Variants in SNX29 observed in about 807,000 individuals in gnomAD.
The protein encoded by SNX29 is sorting nexin-29.
Under a neutral mutation model 102.1 loss-of-function variants are expected in SNX29, and 78 were observed. The ratio of observed to expected loss-of-function variants is 0.76; its 90% CI spans 0.64 to 0.92. The LOEUF (loss-of-function observed/expected upper bound fraction) is 0.92. SNX29 is among the 40% of genes least tolerant of loss of function. The pLI, the probability that SNX29 is intolerant of heterozygous loss-of-function variation, is 0.00. For synonymous variants in SNX29, 580 were observed against 414.5 expected, an observed-to-expected ratio of 1.40 and a Z score of -4.85; for missense variants, 1,280 against 1,061.7, an observed-to-expected ratio of 1.21 and a Z score of -2.86.
chr16:12,477,919 TC>T, intron 19 of SNX29, 60 bp downstream of exon 19: 1 of 1,513,764 alleles, frequency 6.6e-7, no homozygotes, highest in East Asian at 2.3e-5. Flanking sequence ...GATTATTTAT[TC>T]TTCTTCTTTA....
At chr16:11,995,097 A>T (rs1019509357) in intron 1 of SNX29, among the ~76,000 whole-genome samples, 2 of 151,880 alleles carry the variant, frequency 1.3e-5, no homozygotes, top group African/African-American at 2.4e-5. Context: ...AGACACTCTC[A>T]CTCTGTTGCC....
intron 13 of SNX29, among the ~76,000 whole-genome samples, chr16:12,182,434 C>A (rs1030166891): frequency 9.9e-5 from 15 of 152,102 alleles, no homozygotes; most frequent in African/African-American, 1.4e-4. Context: ...TTTTGCTTCA[C>A]AAAAGTAATT....
chr16:12,078,202 TG>T (rs113720907), intron 10 of SNX29, among the ~76,000 whole-genome samples: 26,730 of 151,908 alleles, frequency 0.18, 2,455 homozygotes, highest in East Asian at 0.25. Context: ...AGGCCGGGTG[TG>T]GTGGGTCATG....
chr16:12,116,621 C>T (rs1305088092), intron 11 of SNX29, among the ~76,000 whole-genome samples: 1 of 152,120 alleles, frequency 6.6e-6, no homozygotes, highest in Non-Finnish European at 1.5e-5. Context: ...TTGCAGTGAG[C>T]CAGGATCACG....
intron 4 of SNX29, among the ~76,000 whole-genome samples, chr16:12,040,654 A>G (rs1215840810): frequency 4.6e-5 from 7 of 152,382 alleles, no homozygotes; most frequent in Non-Finnish European, 7.3e-5. Flanking sequence ...GCCATGTGCC[A>G]TGCCCTTAGT....
intron 18 of SNX29, among the ~76,000 whole-genome samples, chr16:12,420,886 C>T (rs544121156): frequency 1.3e-5 from 2 of 152,322 alleles, no homozygotes; most frequent in South Asian, 4.1e-4. Flanking sequence ...GAGGGAGCCA[C>T]CAGCGCTGCT....
chr16:12,121,565 A>T (rs929341178), intron 11 of SNX29, among the ~76,000 whole-genome samples: 1 of 152,178 alleles, frequency 6.6e-6, no homozygotes, highest in Non-Finnish European at 1.5e-5. Flanking sequence ...GCTCTGTAGT[A>T]GCGCTTGACA....
At chr16:12,254,436 G>C (rs944683151) in intron 14 of SNX29, among the ~76,000 whole-genome samples, 2 of 152,098 alleles carry the variant, frequency 1.3e-5, no homozygotes, top group Non-Finnish European at 2.9e-5. Context: ...GATCACTTGG[G>C]GTCAGGAGTT....
chr16:12,536,966 A>G (rs1168865911), intron 20 of SNX29, among the ~76,000 whole-genome samples: 12 of 151,450 alleles, frequency 7.9e-5, no homozygotes, highest in East Asian at 3.9e-4. Context: ...ACAGAGTGAG[A>G]GAGAACCCGT....
chr16:12,003,838 C>G (rs1322505238), intron 3 of SNX29, among the ~76,000 whole-genome samples: 2 of 152,072 alleles, frequency 1.3e-5, no homozygotes, highest in African/African-American at 4.8e-5. Flanking sequence ...GAAACCCCGT[C>G]TCTACTGAAA....
intron 20 of SNX29, among the ~76,000 whole-genome samples, chr16:12,546,849 C>G (rs937786960): frequency 6.6e-6 from 1 of 152,152 alleles, no homozygotes; most frequent in South Asian, 2.1e-4. Flanking sequence ...TAAGATTATA[C>G]AGTCACCAGT....
chr16:12,012,742 A>G (rs2056695612), intron 3 of SNX29, among the ~76,000 whole-genome samples: 1 of 151,778 alleles, frequency 6.6e-6, no homozygotes, highest in Admixed American at 6.6e-5. Context: ...ATTGTGTACC[A>G]TTTTCACCAT....
intron 20 of SNX29, among the ~76,000 whole-genome samples, chr16:12,555,797 C>G (rs60610202): frequency 6.6e-6 from 1 of 152,206 alleles, no homozygotes; most frequent in Non-Finnish European, 1.5e-5. Context: ...AGGCACACTC[C>G]TGCCTGCCTC....
chr16:12,394,880 G>A (rs917223600), intron 16 of SNX29, among the ~76,000 whole-genome samples: 1 of 152,186 alleles, frequency 6.6e-6, no homozygotes, highest in Non-Finnish European at 1.5e-5. Flanking sequence ...CTGTGGAAGA[G>A]CTTTGTGGAG....
At chr16:12,290,339 T>C (rs1266772942) in intron 15 of SNX29, among the ~76,000 whole-genome samples, 7 of 152,172 alleles carry the variant, frequency 4.6e-5, no homozygotes, top group Admixed American at 4.6e-4. Context: ...CCTGTTCTTT[T>C]TTTATGAACC....
At chr16:12,061,483 T>A (rs1220197977) in intron 8 of SNX29, 45 bp from the exon 9 acceptor site, 1 of 1,499,318 alleles carries the variant, frequency 6.7e-7, no homozygotes, top group South Asian at 1.2e-5. Flanking sequence ...TCATGCGGCC[T>A]GTGGGCTCTT....
intron 20 of SNX29, among the ~76,000 whole-genome samples, chr16:12,540,107 TAAAGATTTTCTCCTAGGTTTTCCTC>T (rs1302094892): frequency 1.3e-5 from 2 of 152,154 alleles, no homozygotes; most frequent in East Asian, 3.9e-4. Flanking sequence ...ACCCAGGTCA[TAAAGATTTTCTCCTAGGTTTTCCTC>T]AAAGTTTTAT....
Position 12,186,600 on chromosome 16 carries a change from G to A in SNX29, c.1596-13001G>A, listed in dbSNP as rs541107862. The stretch of plus-strand genomic sequence containing the variant: ...CAATGGGGCCAATTTAACCTTTCAT[G>A]GCTAATCTCTCTGACTGAGTTGGGA... On this transcript the variant is annotated intron_variant, in intron 13 of 20. Transcript: ENST00000566228. Among the ~76,000 whole-genome samples the A allele has an allele frequency of 7.0e-4, 106 of 152,280 alleles. 1 individual carries two copies. The highest frequency in any genetic ancestry group is 1.3e-3 in the Admixed American group (20 of 15,290).
At position 12,475,513 on chromosome 16, in the gene SNX29, C is replaced by T. The variant is rs78444128; in HGVS notation, c.2038-2206C>T. On this transcript the variant is annotated intron_variant, in intron 18 of 20. Coordinates refer to ENST00000566228, the MANE Select transcript of SNX29 (RefSeq NM_032167.5). Reference sequence around the variant, plus strand: ...CTTGACTTATGATGGGGTTATGTCCCGGTAAGCCCATTGTGAGTTGAAAAT... The same window carrying T: ...CTTGACTTATGATGGGGTTATGTCCTGGTAAGCCCATTGTGAGTTGAAAAT... Among the ~76,000 whole-genome samples the T allele has an allele frequency of 1.5e-3, 224 of 152,206 alleles. 8 individuals carry two copies. The East Asian group carries it at 0.041, about 28-fold the overall frequency.
Sources: gnomAD v4.1 joint callset for allele counts (sites outside exome capture counted in the v4.1 genomes callset) on GRCh38, gnomAD v4.1.1 for gene constraint, MANE v1.5 for transcripts, NCBI Gene and HGNC (gene_info 2026-07-23, HGNC 2026-07-21) for gene names.